The following THSD4 variants were observed in gnomAD, a reference collection of about 807,000 sequenced individuals.
The protein encoded by THSD4 is thrombospondin type-1 domain-containing protein 4.
Under a neutral mutation model 119.0 loss-of-function variants are expected in THSD4, and 69 were observed. That is an observed-to-expected ratio of 0.58 (90% CI 0.48 to 0.71). THSD4 has a LOEUF of 0.71. THSD4 is among the 30% of genes least tolerant of loss of function. The probability of loss-of-function intolerance (pLI) is 0.00; values close to 1 mark genes in which losing one functional copy is unlikely to be tolerated. For missense variants in THSD4, 1,393 were observed against 1,391.1 expected (o/e 1.00, Z -0.02); for synonymous variants, 524 against 540.4 (o/e 0.97, Z 0.42).
intron 7 of THSD4, among the ~76,000 whole-genome samples, chr15:71,653,825 A>G (rs1157901579): frequency 2.0e-5 from 3 of 152,182 alleles, no homozygotes; most frequent in African/African-American, 4.8e-5. Context: ...CTGTTTTACA[A>G]TTGAGTCACT....
chr15:71,541,218 A>T (rs976734746), intron 7 of THSD4, among the ~76,000 whole-genome samples: 1 of 152,260 alleles, frequency 6.6e-6, no homozygotes, highest in Non-Finnish European at 1.5e-5. Context: ...TATTATTTCA[A>T]CATCAACCCA....
At chr15:71,571,967 A>G (rs908751235) in intron 7 of THSD4, among the ~76,000 whole-genome samples, 9 of 152,200 alleles carry the variant, frequency 5.9e-5, no homozygotes, top group Admixed American at 5.2e-4. Flanking sequence ...GGGGTTTTTC[A>G]TTTGCTTCAT....
chr15:71,676,510 G>T (rs2051654910), intron 8 of THSD4, among the ~76,000 whole-genome samples: 1 of 152,126 alleles, frequency 6.6e-6, no homozygotes, highest in Non-Finnish European at 1.5e-5. Context: ...TCAATCTCTT[G>T]ACCTCGTGAT....
At chr15:71,718,285 C>G (rs1348158799) in intron 8 of THSD4, among the ~76,000 whole-genome samples, 1 of 152,070 alleles carries the variant, frequency 6.6e-6, no homozygotes, top group Non-Finnish European at 1.5e-5. Context: ...ATAAATTGGG[C>G]TACAATGAGA....
At chr15:71,410,876 TACAC>T (rs147641169) in intron 6 of THSD4, among the ~76,000 whole-genome samples, 3 of 150,348 alleles carry the variant, frequency 2.0e-5, no homozygotes, top group Admixed American at 6.6e-5. Context: ...TACTAAAAAA[TACAC>T]ACACACACAC....
At chr15:71,736,756 T>C (rs969352393) in intron 10 of THSD4, among the ~76,000 whole-genome samples, 11 of 152,228 alleles carry the variant, frequency 7.2e-5, no homozygotes, top group African/African-American at 2.7e-4. Context: ...ACTTTACCCT[T>C]AATGAAAGCC....
chr15:71,349,013 T>C (rs1347940863), intron 6 of THSD4, among the ~76,000 whole-genome samples: 1 of 152,244 alleles, frequency 6.6e-6, no homozygotes, highest in African/African-American at 2.4e-5. Context: ...ATAAATTCTC[T>C]TTTTCTGGGC....
intron 7 of THSD4, among the ~76,000 whole-genome samples, chr15:71,597,473 A>G (rs1204350659): frequency 6.6e-6 from 1 of 152,224 alleles, no homozygotes; most frequent in Non-Finnish European, 1.5e-5. Context: ...CAGAGTGTTT[A>G]TGCCAGCTAT....
intron 6 of THSD4, among the ~76,000 whole-genome samples, chr15:71,299,197 G>A (rs143674158): frequency 4.6e-5 from 7 of 152,312 alleles, no homozygotes; most frequent in African/African-American, 7.2e-5. Flanking sequence ...TAAGCCATTT[G>A]CAGTTTTAGT....
chr15:71,621,706 C>G (rs569963618), intron 7 of THSD4, among the ~76,000 whole-genome samples: 1 of 152,240 alleles, frequency 6.6e-6, no homozygotes, highest in East Asian at 1.9e-4. Context: ...GCTGAAAACG[C>G]CTTTTAGATT....
At chr15:71,180,171 T>G (rs8023662) in intron 3 of THSD4, among the ~76,000 whole-genome samples, 2 of 141,350 alleles carry the variant, frequency 1.4e-5, no homozygotes, top group African/African-American at 5.5e-5. Flanking sequence ...AAAAAAAAAA[T>G]AAAAAAAAAA....
chr15:71,231,457 T>C (rs940499380), intron 4 of THSD4, among the ~76,000 whole-genome samples: 1 of 152,186 alleles, frequency 6.6e-6, no homozygotes, highest in Non-Finnish European at 1.5e-5. Context: ...TAAAACCACC[T>C]TTCTGCTTCC....
At chr15:71,666,801 A>C (rs1483351858) in intron 8 of THSD4, among the ~76,000 whole-genome samples, 3 of 152,214 alleles carry the variant, frequency 2.0e-5, no homozygotes, top group Non-Finnish European at 4.4e-5. Context: ...ATGGTACATT[A>C]AAGTTAACTC....
chr15:71,119,574 A>C (rs765049031), intron 1 of THSD4, among the ~76,000 whole-genome samples: 20 of 152,158 alleles, frequency 1.3e-4, no homozygotes, highest in Non-Finnish European at 2.2e-4. Context: ...TCTTTAGTTC[A>C]GTCCTGAAGG....
chr15:71,304,577 A>C (rs1314508557), intron 6 of THSD4, among the ~76,000 whole-genome samples: 1 of 152,240 alleles, frequency 6.6e-6, no homozygotes, highest in South Asian at 2.1e-4. Flanking sequence ...CCCAATCGGA[A>C]GATTCGGTCG....
chr15:71,143,307 A>G (rs1014499046), intron 2 of THSD4, among the ~76,000 whole-genome samples: 2 of 152,136 alleles, frequency 1.3e-5, no homozygotes, highest in African/African-American at 4.8e-5. Flanking sequence ...AGTTTAAAAG[A>G]TATTTCAAGA....
chr15:71,294,605 G>A (rs1001568073), intron 6 of THSD4, among the ~76,000 whole-genome samples: 7 of 152,152 alleles, frequency 4.6e-5, no homozygotes, highest in African/African-American at 1.7e-4. Context: ...TGACCATCTC[G>A]GTAACCTACT....
At chr15:71,749,685 A>G (rs2053407426) in intron 14 of THSD4, among the ~76,000 whole-genome samples, 1 of 130,336 alleles carries the variant, frequency 7.7e-6, no homozygotes, top group Admixed American at 7.6e-5. Flanking sequence ...TAATATTTTT[A>G]TATTTTTAAA....
At chr15:71,340,937 C>T (rs1400077153) in intron 6 of THSD4, among the ~76,000 whole-genome samples, 1 of 152,118 alleles carries the variant, frequency 6.6e-6, no homozygotes, top group Admixed American at 6.5e-5. Context: ...TGGGAGTTCA[C>T]TTATGAAAAC....
Sources: allele counts gnomAD v4.1 joint callset (sites outside exome capture counted in the v4.1 genomes callset), GRCh38; gene constraint gnomAD v4.1.1; transcripts MANE v1.5; gene names NCBI Gene and HGNC (gene_info 2026-07-23, HGNC 2026-07-21).